Variants in GNAO1 observed in about 807,000 individuals in gnomAD.
The protein encoded by GNAO1 is guanine nucleotide-binding protein G(o) subunit alpha.
For missense variants in GNAO1, 166 were observed against 478.7 expected (o/e 0.35, Z 6.10); for synonymous variants, 164 against 180.7 (o/e 0.91, Z 0.74).
chr16:56,226,077 G>A (rs1363577299), intron 2 of GNAO1, among the ~76,000 whole-genome samples: 1 of 151,992 alleles, frequency 6.6e-6, no homozygotes, highest in Non-Finnish European at 1.5e-5. Context: ...TTAGGAGAGA[G>A]ATGATCTGAC....
At chr16:56,353,935 T>C (rs571212242) in intron 7 of GNAO1, among the ~76,000 whole-genome samples, 1 of 152,366 alleles carries the variant, frequency 6.6e-6, no homozygotes, top group South Asian at 2.1e-4. Context: ...GGGCCCCCAG[T>C]TGGCATCATA....
intron 3 of GNAO1, among the ~76,000 whole-genome samples, chr16:56,278,206 TC>T (rs2037081787): frequency 6.6e-6 from 1 of 152,184 alleles, no homozygotes; most frequent in South Asian, 2.1e-4. Flanking sequence ...TAAGCGGGAC[TC>T]CCTGGAGAGT....
intron 2 of GNAO1, among the ~76,000 whole-genome samples, chr16:56,259,229 TCA>T (rs1399081166): frequency 6.6e-6 from 1 of 152,198 alleles, no homozygotes; most frequent in Non-Finnish European, 1.5e-5. Flanking sequence ...ATCTTCAGCC[TCA>T]CATGCTGTGT....
At chr16:56,344,976 A>T (rs1405359557) in intron 6 of GNAO1, 3 of 982,342 alleles carry the variant, frequency 3.1e-6, no homozygotes, top group Non-Finnish European at 3.6e-6. Flanking sequence ...GTGTCTTCCC[A>T]GCCCCTGGGG....
chr16:56,210,324 A>G (rs1321031337), intron 2 of GNAO1, among the ~76,000 whole-genome samples: 1 of 152,240 alleles, frequency 6.6e-6, no homozygotes, highest in African/African-American at 2.4e-5. Context: ...ACTGGAGAAC[A>G]TCTTGGTTGC....
chr16:56,329,617 T>C (rs1202294463), intron 4 of GNAO1, among the ~76,000 whole-genome samples: 1 of 152,218 alleles, frequency 6.6e-6, no homozygotes, highest in Non-Finnish European at 1.5e-5. Context: ...ATGGAGATAC[T>C]GGGATTGCCC....
intron 2 of GNAO1, among the ~76,000 whole-genome samples, chr16:56,196,566 G>T (rs1190765): frequency 0.082 from 12,542 of 152,248 alleles, 572 homozygotes; most frequent in African/African-American, 0.11. Flanking sequence ...CATGTACCTG[G>T]TGAAAATGTA....
At chr16:56,332,733 C>A (rs1348218446) in intron 4 of GNAO1, among the ~76,000 whole-genome samples, 1 of 152,236 alleles carries the variant, frequency 6.6e-6, no homozygotes, top group Non-Finnish European at 1.5e-5. Flanking sequence ...GCATGAGGCT[C>A]GGCCAGCACA....
At position 56,356,954 on chromosome 16, in the gene GNAO1, A is replaced by T. The variant is rs1275867453; in HGVS notation, c.*880A>T. 3 of 136,828 alleles carry T rather than the reference A, an allele frequency of 2.2e-5. No individual in the cohort carries two copies. The highest frequency in any genetic ancestry group is 5.6e-5 in the African/African-American group (2 of 35,978). 8.5% of individuals were successfully genotyped at this position (136,828 alleles called of 1,614,324 possible). ...TCCCTTCGTGTGTGCGCCCCTCCCC[A>T]CCCCTGCCTTTGTTTCGGTGCCCTG... On this transcript the variant is annotated 3_prime_UTR_variant, in exon 9 of 9. Transcript: ENST00000262493.
chr16:56,285,303 T>C (rs2037155459), intron 3 of GNAO1, among the ~76,000 whole-genome samples: 2 of 138,670 alleles, frequency 1.4e-5, no homozygotes, highest in Admixed American at 1.5e-4. Context: ...GGTGGGAAAA[T>C]GTTATAACCA....
chr16:56,300,850 G>T (rs1176160193), intron 3 of GNAO1: 1 of 152,246 alleles, frequency 6.6e-6, no homozygotes, highest in African/African-American at 2.4e-5. Flanking sequence ...CTTCAGGGCT[G>T]CCAGTTGAAC....
chr16:56,234,736 C>A (rs1044762486), intron 2 of GNAO1, among the ~76,000 whole-genome samples: 2 of 152,184 alleles, frequency 1.3e-5, no homozygotes, highest in Admixed American at 1.3e-4. Context: ...TGGTTCCCCC[C>A]CAACTCCTAT....
intron 3 of GNAO1, among the ~76,000 whole-genome samples, chr16:56,293,343 G>A (rs1473149744): frequency 6.6e-6 from 1 of 152,150 alleles, no homozygotes. Flanking sequence ...GCCCAGCTGA[G>A]CAGTTCAACA....
intron 2 of GNAO1, among the ~76,000 whole-genome samples, chr16:56,215,413 A>G (rs1292879270): frequency 6.6e-6 from 1 of 152,216 alleles, no homozygotes; most frequent in Non-Finnish European, 1.5e-5. Context: ...GCGGGAGCCA[A>G]TTGAAGAGAA....
At chr16:56,335,876 T>C (rs942280065) in intron 5 of GNAO1, among the ~76,000 whole-genome samples, 4 of 152,158 alleles carry the variant, frequency 2.6e-5, no homozygotes, top group Non-Finnish European at 5.9e-5. Flanking sequence ...ATCCCCTGAT[T>C]GATGGAATGA....
intron 2 of GNAO1, among the ~76,000 whole-genome samples, chr16:56,217,380 G>A (rs2036445548): frequency 6.6e-6 from 1 of 152,206 alleles, no homozygotes; most frequent in Non-Finnish European, 1.5e-5. Context: ...GAGGTATTGT[G>A]CATATTAAAT....
Position 56,337,134 on chromosome 16 carries a change from G to C in GNAO1, c.723+274G>C, listed in dbSNP as rs544001085. Among the ~76,000 whole-genome samples, 16 of 149,888 alleles carry C rather than the reference G, an allele frequency of 1.1e-4. 1 individual carries two copies. Among genetic ancestry groups the C allele is most frequent in the Admixed American group, 8.5e-4 (13 of 15,230 alleles). ...AGAATGTGCCTCTTCCATAAACTTG[G>C]TGGAGTCACAGAGGCCATCAGGCCA... On this transcript the variant is annotated intron_variant, in intron 6 of 8. Transcript: ENST00000262493.
intron 2 of GNAO1, among the ~76,000 whole-genome samples, chr16:56,264,647 G>A (rs533002851): frequency 1.3e-4 from 20 of 151,742 alleles, no homozygotes; most frequent in Admixed American, 2.6e-4. Context: ...GATTTTGCCT[G>A]TTACTATTAT....
At chr16:56,197,834 C>G (rs538932468) in intron 2 of GNAO1, among the ~76,000 whole-genome samples, 1 of 152,284 alleles carries the variant, frequency 6.6e-6, no homozygotes, top group Admixed American at 6.5e-5. Context: ...TCACAATACC[C>G]TATCTCCGTT....
Sources: gnomAD v4.1 joint callset for allele counts (sites outside exome capture counted in the v4.1 genomes callset) on GRCh38, gnomAD v4.1.1 for gene constraint, MANE v1.5 for transcripts, NCBI Gene and HGNC (gene_info 2026-07-23, HGNC 2026-07-21) for gene names.